CLASRP: variants seen among roughly 807,000 people sequenced by gnomAD.
CLASRP encodes CLK4-associating serine/arginine rich protein.
A neutral mutation model predicts 99.9 loss-of-function variants in CLASRP; 52 were observed. The ratio of observed to expected loss-of-function variants is 0.52; its 90% CI spans 0.42 to 0.66. The LOEUF (loss-of-function observed/expected upper bound fraction) is 0.66, where lower values mean the gene tolerates loss of function less well. Ranked by LOEUF, CLASRP falls within the 30% of genes least tolerant of loss-of-function variation. CLASRP has a pLI of 0.00. For synonymous variants in CLASRP, 379 were observed against 373.0 expected (o/e 1.02, Z -0.18); for missense variants, 848 against 999.2 (o/e 0.85, Z 2.04).
At position 45,053,046 on chromosome 19, in the gene CLASRP, G is replaced by C. The variant is rs372668646; in HGVS notation, c.300-52G>C. 1,224 of 1,602,616 alleles carry C rather than the reference G, an allele frequency of 7.6e-4. 1 individual carries two copies. Among genetic ancestry groups the C allele is most frequent in the Middle Eastern group, 3.3e-3 (20 of 6,044 alleles). On this transcript the variant is annotated intron_variant, in intron 4 of 20. Transcript: ENST00000221455. ...CCTCATTTCCCTTCCTGCTGGCTTGGGGGGGGATCCACTCCTTCTCTCTGA... is the reference window on the plus strand; with the variant it reads ...CCTCATTTCCCTTCCTGCTGGCTTGCGGGGGGATCCACTCCTTCTCTCTGA...
At chr19:45,046,946 G>A (rs1971928183) in intron 2 of CLASRP, among the ~76,000 whole-genome samples, 3 of 152,120 alleles carry the variant, frequency 2.0e-5, no homozygotes, top group African/African-American at 7.2e-5. Flanking sequence ...AGAATCGCTT[G>A]AACCCGGGAG....
At chr19:45,043,176 A>G (rs576179848) in intron 2 of CLASRP, among the ~76,000 whole-genome samples, 1 of 148,746 alleles carries the variant, frequency 6.7e-6, no homozygotes, top group South Asian at 2.1e-4. Context: ...GATCCCAAGC[A>G]CTTCAGATAA....
intron 13 of CLASRP, 51 bp downstream of exon 13, chr19:45,064,681 C>G: frequency 1.3e-6 from 2 of 1,491,518 alleles, no homozygotes; most frequent in Non-Finnish European, 1.8e-6. Flanking sequence ...GCGCGGTCTC[C>G]GATCCTGGGG....
intron 2 of CLASRP, among the ~76,000 whole-genome samples, chr19:45,043,933 G>A (rs1279016048): frequency 1.3e-5 from 2 of 152,042 alleles, no homozygotes; most frequent in Admixed American, 6.6e-5. Context: ...CCAGGCTGGA[G>A]TGCAGTGGCA....
In CLASRP at chr19:45,040,192, C is replaced by G; in HGVS notation, c.-21C>G. The G allele has an allele frequency of 2.5e-6, 4 of 1,586,026 alleles. No individual in the cohort carries two copies. Among genetic ancestry groups the G allele is most frequent in the Non-Finnish European group, 2.6e-6 (3 of 1,165,098 alleles). On this transcript the variant is annotated 5_prime_UTR_variant, in exon 2 of 21. Transcript: ENST00000221455. ...GTCCCTTCATCCCTCAGGTTGAGGC[C>G]CCAGGCTTGGCCTCACCACAATGTG...
chr19:45,068,525 C>T, intron 16 of CLASRP, 45 bp downstream of exon 16: 8 of 1,403,722 alleles, frequency 5.7e-6, no homozygotes, highest in Non-Finnish European at 8.1e-6. Context: ...CTCTTCTTTC[C>T]CTTGGCAGTG....
At chr19:45,040,626 C>G (rs1319132492) in intron 2 of CLASRP, 2 of 244,394 alleles carry the variant, frequency 8.2e-6, no homozygotes, top group African/African-American at 4.4e-5. Context: ...TCGCTTATTG[C>G]TGTGTTCCCC....
chr19:45,068,220 C>T (rs1967138486), intron 15 of CLASRP, 166 bp downstream of exon 15: 3 of 683,764 alleles, frequency 4.4e-6, no homozygotes, highest in Non-Finnish European at 8.0e-6. Context: ...GTCCCTCTCC[C>T]CTCCTCACTG....
chr19:45,061,366 GC>G (rs1966935028), intron 10 of CLASRP, among the ~76,000 whole-genome samples: 1 of 152,064 alleles, frequency 6.6e-6, no homozygotes, highest in African/African-American at 2.4e-5. Context: ...TGGCCATAGG[GC>G]CTGGGTTTGG....
intron 10 of CLASRP, among the ~76,000 whole-genome samples, chr19:45,061,416 C>T (rs1320997309): frequency 1.3e-5 from 2 of 151,938 alleles, no homozygotes; most frequent in East Asian, 3.9e-4. Flanking sequence ...TAATGCTGGA[C>T]AAGTGACTTC....
Position 45,064,237 on chromosome 19 carries a change from G to A in CLASRP, c.1121+10G>A, listed in dbSNP as rs748407261. 3.5e-5 allele frequency: 55 copies of A among 1,574,792 alleles called. No homozygotes were observed. Among genetic ancestry groups the A allele is most frequent in the East Asian group, 3.5e-4 (15 of 43,294 alleles). The stretch of plus-strand genomic sequence containing the variant: ...GTAATGCCAGCGCCCGGTCGGTAAC[G>A]CTCACGCCGCCCGCCCTACGCCCCG... On this transcript the variant is annotated intron_variant, in intron 12 of 20. Coordinates refer to ENST00000221455, the MANE Select transcript of CLASRP (RefSeq NM_007056.3).
rs567120504 is a variant in CLASRP at position 45,061,763 on chromosome 19, C to T, written c.864-391C>T. On this transcript the variant is annotated intron_variant, in intron 10 of 20. Transcript: ENST00000221455. Reference sequence around the variant, plus strand: ...TGCTGGGATTACAGGCGTGAGCCACCGCACCCAGCCTATTTTAATCTTATC... The same window carrying T: ...TGCTGGGATTACAGGCGTGAGCCACTGCACCCAGCCTATTTTAATCTTATC... Among the ~76,000 whole-genome samples the T allele has an allele frequency of 1.9e-4, 29 of 152,134 alleles. No homozygotes were observed. The South Asian group carries it at 4.6e-3, about 24-fold the overall frequency.
In CLASRP at chr19:45,064,419, T is replaced by C; in HGVS notation, c.1198T>C (p.Ser400Pro). 1 of 1,528,266 alleles carries C rather than the reference T, an allele frequency of 6.5e-7. No homozygotes were observed. The highest frequency in any genetic ancestry group is 8.8e-7 in the Non-Finnish European group (1 of 1,139,628). 94.7% of individuals were successfully genotyped at this position (1,528,266 alleles called of 1,614,324 possible). ...SSSRSSSRSS[S>P]RSRRGGGYYR... ...CTCCCGCTCCAGCTCTCGCTCCAGC[T>C]CCCGCTCTCGCCGTGGTGGGGGCTA... The change falls in exon 13 of 21, where the codon TCC (serine) becomes CCC (proline). Residue 400 changes from serine (S) to proline (P), a missense_variant. Coordinates refer to ENST00000221455, the MANE Select transcript of CLASRP (RefSeq NM_007056.3).
intron 11 of CLASRP, among the ~76,000 whole-genome samples, chr19:45,063,188 T>TA (rs1342566063): frequency 4.0e-5 from 6 of 151,776 alleles, no homozygotes; most frequent in Non-Finnish European, 8.8e-5. Context: ...TTCTTTAAAA[T>TA]ATTGAGATGG....
At chr19:45,059,209 C>T in intron 7 of CLASRP, 59 bp from the exon 8 acceptor site, 1 of 1,430,818 alleles carries the variant, frequency 7.0e-7, no homozygotes, top group South Asian at 1.2e-5. Context: ...GGAGCACTGC[C>T]CCTTCTCCCC....
Position 45,060,981 on chromosome 19 carries a change from T to G in CLASRP, c.863+354T>G, listed in dbSNP as rs1197208183. 6.6e-6 allele frequency among the ~76,000 whole-genome samples: 1 copy of G among 152,220 alleles called. No individual in the cohort carries two copies. The highest frequency in any genetic ancestry group is 1.5e-5 in the Non-Finnish European group (1 of 68,044). On this transcript the variant is annotated intron_variant, in intron 10 of 20. Coordinates refer to ENST00000221455, the MANE Select transcript of CLASRP (RefSeq NM_007056.3). This position sits in a 1 kb window ranked among gnomAD's most constrained non-coding sequence, Gnocchi z 4.6. Reference sequence around the variant, plus strand: ...CTTGGCTTCTTCCTGTGTCGGAGTTTGGACAAGTGACTTCCCGAACTCTCT... The same window carrying G: ...CTTGGCTTCTTCCTGTGTCGGAGTTGGGACAAGTGACTTCCCGAACTCTCT...
At chr19:45,057,961 C>T in intron 7 of CLASRP, 63 bp downstream of exon 7, 1 of 1,601,004 alleles carries the variant, frequency 6.2e-7, no homozygotes, top group South Asian at 1.1e-5. Context: ...TGTCTCGTCC[C>T]TCACCCTCTG....
intron 11 of CLASRP, among the ~76,000 whole-genome samples, chr19:45,063,480 CTG>C (rs1319725980): frequency 1.0e-3 from 71 of 71,034 alleles, no homozygotes; most frequent in Admixed American, 5.0e-3. Context: ...GAGTCTCACT[CTG>C]TTGCCCAAGC....
At chr19:45,063,404 C>G (rs1966984683) in intron 11 of CLASRP, among the ~76,000 whole-genome samples, 1 of 113,202 alleles carries the variant, frequency 8.8e-6, no homozygotes, top group Non-Finnish European at 1.9e-5. Context: ...TTGAGTAAAA[C>G]TTTTCTGTGT....
Sources: gnomAD v4.1 joint callset for allele counts (sites outside exome capture counted in the v4.1 genomes callset) on GRCh38, gnomAD v4.1.1 for gene constraint, Gnocchi (gnomAD v3.1) non-coding constraint, MANE v1.5 for transcripts, NCBI Gene and HGNC (gene_info 2026-07-23, HGNC 2026-07-21) for gene names.